Variants in SPMAP2L observed in about 807,000 individuals in gnomAD.
The protein encoded by SPMAP2L is sperm microtubule associated protein 2 like.
chr4:56,542,940 C>T, the SPMAP2L span, among the ~76,000 whole-genome samples: 1 of 151,876 alleles, frequency 6.6e-6, no homozygotes, highest in Admixed American at 6.6e-5. Flanking sequence ...CCCTTTGAAC[C>T]TGTGTTTGAT....
At chr4:56,552,731 C>T in the SPMAP2L span, 2 of 654,248 alleles carry the variant, frequency 3.1e-6, no homozygotes, top group South Asian at 1.8e-5. Context: ...ATATTGTCAC[C>T]TCATTGTAGT....
the SPMAP2L span, chr4:56,594,657 C>G: frequency 7.5e-7 from 1 of 1,327,924 alleles, no homozygotes; most frequent in South Asian, 1.2e-5. Flanking sequence ...AAGATTCAGC[C>G]TGTGGAGGTG....
At chr4:56,552,865 G>C in the SPMAP2L span, among the ~76,000 whole-genome samples, 4 of 152,152 alleles carry the variant, frequency 2.6e-5, no homozygotes, top group African/African-American at 9.7e-5. Context: ...TTGATATGGG[G>C]TGTGCCATAG....
At chr4:56,545,149 C>G in the SPMAP2L span, among the ~76,000 whole-genome samples, 1 of 152,210 alleles carries the variant, frequency 6.6e-6, no homozygotes, top group Admixed American at 6.5e-5. Flanking sequence ...CTCCACCCTC[C>G]TCCTAAAAGA....
At chr4:56,581,728 T>A in the SPMAP2L span, among the ~76,000 whole-genome samples, 1 of 152,150 alleles carries the variant, frequency 6.6e-6, no homozygotes, top group Non-Finnish European at 1.5e-5. Context: ...AAAACATTCT[T>A]GAATAAGAAC....
chr4:56,582,908 A>G, the SPMAP2L span, among the ~76,000 whole-genome samples: 1 of 152,212 alleles, frequency 6.6e-6, no homozygotes, highest in Non-Finnish European at 1.5e-5. Flanking sequence ...GTATTGATAC[A>G]TCAATCTTCT....
chr4:56,564,337 A>T, the SPMAP2L span, among the ~76,000 whole-genome samples: 1 of 151,996 alleles, frequency 6.6e-6, no homozygotes, highest in African/African-American at 2.4e-5. Flanking sequence ...ACGGAGTTTC[A>T]CCGTGTTGGT....
chr4:56,599,875 C>T, the SPMAP2L span, among the ~76,000 whole-genome samples: 1 of 152,026 alleles, frequency 6.6e-6, no homozygotes, highest in African/African-American at 2.4e-5. Context: ...CAAAAGAAGA[C>T]ATTTATGTGG....
At chr4:56,578,060 T>C in the SPMAP2L span, among the ~76,000 whole-genome samples, 1 of 152,198 alleles carries the variant, frequency 6.6e-6, no homozygotes, top group South Asian at 2.1e-4. Context: ...ATATAGAATG[T>C]AGCACATTTT....
the SPMAP2L span, among the ~76,000 whole-genome samples, chr4:56,590,403 G>A: frequency 6.6e-6 from 1 of 152,202 alleles, no homozygotes; most frequent in South Asian, 2.1e-4. Flanking sequence ...CATTCAATGT[G>A]CAAGATAAGC....
the SPMAP2L span, chr4:56,559,477 C>T: frequency 1.3e-6 from 2 of 1,532,810 alleles, no homozygotes; most frequent in South Asian, 1.2e-5. Context: ...ACTTGAGAAC[C>T]TTGCCCAGCC....
chr4:56,575,541 A>G, the SPMAP2L span: 1 of 1,535,396 alleles, frequency 6.5e-7, no homozygotes, highest in Non-Finnish European at 8.7e-7. Context: ...GAGAGTCTGT[A>G]ATTTGGGAGA....
chr4:56,590,140 C>T, the SPMAP2L span, among the ~76,000 whole-genome samples: 2 of 152,236 alleles, frequency 1.3e-5, no homozygotes, highest in South Asian at 4.1e-4. Context: ...ATTATGTTGG[C>T]TGTGAGTTTG....
the SPMAP2L span, among the ~76,000 whole-genome samples, chr4:56,576,407 T>C: frequency 5.3e-5 from 8 of 152,194 alleles, no homozygotes; most frequent in Non-Finnish European, 1.0e-4. Flanking sequence ...TAAAATTACT[T>C]TATGTTAATC....
the SPMAP2L span, chr4:56,593,337 G>C: frequency 1.7e-6 from 2 of 1,146,906 alleles, no homozygotes; most frequent in Admixed American, 3.4e-5. Context: ...GCCACCCACA[G>C]ACAATAGCTG....
chr4:56,575,689 G>A, the SPMAP2L span: 1 of 1,511,380 alleles, frequency 6.6e-7, no homozygotes, highest in African/African-American at 1.4e-5. Flanking sequence ...AATTTGGCCA[G>A]ATGTCTTAGT....
the SPMAP2L span, among the ~76,000 whole-genome samples, chr4:56,536,232 C>T: frequency 3.3e-5 from 5 of 152,248 alleles, no homozygotes; most frequent in African/African-American, 1.2e-4. Flanking sequence ...CTGAGCCTGT[C>T]ACTAACCTCA....
At chr4:56,603,873 T>C in the SPMAP2L span, among the ~76,000 whole-genome samples, 6 of 152,218 alleles carry the variant, frequency 3.9e-5, no homozygotes, top group Non-Finnish European at 7.3e-5. Flanking sequence ...AGGGAACAGG[T>C]TACCTTAATG....
At chr4:56,614,099 T>A in the SPMAP2L span, among the ~76,000 whole-genome samples, 1 of 152,032 alleles carries the variant, frequency 6.6e-6, no homozygotes, top group African/African-American at 2.4e-5. Flanking sequence ...ATTCGAGGGG[T>A]CCGGTCTAGG....
Sources: gnomAD v4.1 joint callset for allele counts (sites outside exome capture counted in the v4.1 genomes callset) on GRCh38, gnomAD v4.1.1 for gene constraint, MANE v1.5 for transcripts, NCBI Gene and HGNC (gene_info 2026-07-23, HGNC 2026-07-21) for gene names.